The following GRIA3 variants were observed in gnomAD, a reference collection of about 807,000 sequenced individuals.
The protein encoded by GRIA3 is glutamate ionotropic receptor AMPA type subunit 3.
GRIA3 carries 3 observed loss-of-function variants against 63.0 expected under a neutral mutation model. The observed-to-expected ratio is 0.05, with a 90% CI of 0.02 to 0.12. The LOEUF is 0.12. Ranked by LOEUF, GRIA3 falls within the 10% of genes least tolerant of loss-of-function variation. The probability of loss-of-function intolerance (pLI) is 1.00; values close to 1 mark genes in which losing one functional copy is unlikely to be tolerated. For missense variants in GRIA3, 347 were observed against 700.9 expected, an observed-to-expected ratio of 0.50 and a Z score of 5.70; for synonymous variants, 274 against 257.9, an observed-to-expected ratio of 1.06 and a Z score of -0.60.
intron 6 of GRIA3, 69 bp downstream of exon 6, chrX:123,395,198 A>G (rs2045407248): frequency 1.1e-6 from 1 of 890,274 alleles, no homozygotes. Context: ...ATCTTTATAC[A>G]CTAACAGTCA....
chrX:123,338,676 G>C (rs1286632320), intron 4 of GRIA3, among the ~76,000 whole-genome samples: 1 of 111,326 alleles, frequency 9.0e-6, no homozygotes, highest in Non-Finnish European at 1.9e-5. Flanking sequence ...TCAGCCTCCC[G>C]AGTAGCTGGG....
intron 5 of GRIA3, among the ~76,000 whole-genome samples, chrX:123,356,631 T>G (rs1487938049): frequency 8.9e-6 from 1 of 112,352 alleles, no homozygotes; most frequent in East Asian, 2.8e-4. Context: ...AATGTTCAAG[T>G]AAACAATAGC....
At chrX:123,451,711 C>G (rs2045733396) in intron 12 of GRIA3, among the ~76,000 whole-genome samples, 1 of 107,765 alleles carries the variant, frequency 9.3e-6, no homozygotes, top group African/African-American at 3.4e-5. Flanking sequence ...GGATTTTGAC[C>G]TGAGCAACTG....
At chrX:123,245,397 A>C (rs1329745281) in intron 2 of GRIA3, among the ~76,000 whole-genome samples, 2 of 111,869 alleles carry the variant, frequency 1.8e-5, no homozygotes, top group African/African-American at 3.3e-5. Context: ...AGTCATCCAC[A>C]TGGAGGTAGT....
intron 2 of GRIA3, among the ~76,000 whole-genome samples, chrX:123,244,911 G>T (rs1338314232): frequency 8.9e-6 from 1 of 112,495 alleles, no homozygotes; most frequent in Non-Finnish European, 1.9e-5. Flanking sequence ...TGCAGAAATA[G>T]GAGATGGGAT....
At chrX:123,396,506 T>C (rs2045414736) in intron 6 of GRIA3, among the ~76,000 whole-genome samples, 1 of 111,027 alleles carries the variant, frequency 9.0e-6, no homozygotes, top group Non-Finnish European at 1.9e-5. Flanking sequence ...TAAAACATTC[T>C]GTTTTAGGGT....
In GRIA3 at chrX:123,184,459, C is replaced by A; in HGVS notation, c.-77C>A. 2 of 793,514 alleles carry A rather than the reference C, an allele frequency of 2.5e-6. No homozygotes were observed. Among genetic ancestry groups the A allele is most frequent in the South Asian group, 2.1e-5 (1 of 48,754 alleles). The allele number at this position is 793,514 out of a possible 1,213,427, so 65.4% of individuals were successfully genotyped here. A position where few individuals can be genotyped will look rare whatever the true frequency, so the allele number is the denominator to read the frequency against. On this transcript the variant is annotated 5_prime_UTR_variant, in exon 1 of 16. Transcript: ENST00000620443. Reference sequence around the variant, plus strand: ...GAGGGGGTGTAAGAGCCAGCGAATTCTTTTTCTTTTTCTATTATTATTTTG... The same window carrying A: ...GAGGGGGTGTAAGAGCCAGCGAATTATTTTTCTTTTTCTATTATTATTTTG...
At chrX:123,418,791 C>T (rs187136030) in intron 11 of GRIA3, among the ~76,000 whole-genome samples, 11 of 112,239 alleles carry the variant, frequency 9.8e-5, no homozygotes, top group African/African-American at 3.2e-4. Context: ...AACTTTCATC[C>T]ACTAGTAGTG....
intron 5 of GRIA3, among the ~76,000 whole-genome samples, chrX:123,366,433 T>C (rs2045210672): frequency 9.0e-6 from 1 of 111,647 alleles, no homozygotes; most frequent in Non-Finnish European, 1.9e-5. Context: ...TAACTATTGG[T>C]TCCCTTGCAT....
intron 2 of GRIA3, among the ~76,000 whole-genome samples, chrX:123,213,036 A>G (rs992008250): frequency 3.6e-5 from 4 of 111,428 alleles, no homozygotes; most frequent in African/African-American, 1.3e-4. Context: ...TTAGATTCCC[A>G]TAGGAATGCA....
chrX:123,484,726 G>T (rs752613949), intron 15 of GRIA3, among the ~76,000 whole-genome samples: 1 of 111,929 alleles, frequency 8.9e-6, no homozygotes, highest in African/African-American at 3.2e-5. Flanking sequence ...CAAGTGATCC[G>T]CCTGCGTCAG....
intron 12 of GRIA3, among the ~76,000 whole-genome samples, chrX:123,438,213 T>C (rs781439766): frequency 8.9e-6 from 1 of 112,158 alleles, no homozygotes; most frequent in Non-Finnish European, 1.9e-5. Flanking sequence ...AATCCACCTA[T>C]CTAAGTACCT....
chrX:123,305,115 G>T (rs1214332441), intron 3 of GRIA3, among the ~76,000 whole-genome samples: 1 of 111,942 alleles, frequency 8.9e-6, no homozygotes, highest in Non-Finnish European at 1.9e-5. Context: ...CCTCCCACAA[G>T]AAAGAATTGC....
intron 10 of GRIA3, among the ~76,000 whole-genome samples, chrX:123,408,346 C>T (rs1055810350): frequency 2.7e-5 from 3 of 111,653 alleles, no homozygotes. Flanking sequence ...AACTGAATGA[C>T]CATATTTCTC....
chrX:123,301,809 G>C (rs991774384), intron 3 of GRIA3, among the ~76,000 whole-genome samples: 1 of 111,611 alleles, frequency 9.0e-6, no homozygotes, highest in Non-Finnish European at 1.9e-5. Context: ...CAATGATTAT[G>C]AGCCCAATCC....
intron 4 of GRIA3, among the ~76,000 whole-genome samples, chrX:123,337,186 G>C (rs1416148708): frequency 2.7e-5 from 3 of 111,878 alleles, no homozygotes; most frequent in African/African-American, 9.8e-5. Flanking sequence ...GTCTTTGACA[G>C]TATAACGTTA....
chrX:123,314,448 T>A (rs2044818702), intron 3 of GRIA3, among the ~76,000 whole-genome samples: 1 of 111,904 alleles, frequency 8.9e-6, no homozygotes, highest in South Asian at 3.8e-4. Context: ...CAAACCCCAG[T>A]TGCTTTCTGT....
chrX:123,347,978 C>T (rs1408200626), intron 4 of GRIA3, among the ~76,000 whole-genome samples: 1 of 111,540 alleles, frequency 9.0e-6, no homozygotes, highest in African/African-American at 3.3e-5. Context: ...TCCCACCCAC[C>T]CTCAAGTAGC....
chrX:123,419,409 CAAAA>C (rs56305308), intron 11 of GRIA3, among the ~76,000 whole-genome samples: 1 of 75,982 alleles, frequency 1.3e-5, no homozygotes. Flanking sequence ...AACTCAGTCT[CAAAA>C]AAAAAAAAAA....
Sources: allele counts gnomAD v4.1 joint callset (sites outside exome capture counted in the v4.1 genomes callset), GRCh38; gene constraint gnomAD v4.1.1; transcripts MANE v1.5; gene names NCBI Gene and HGNC (gene_info 2026-07-23, HGNC 2026-07-21).